Variants in NRXN3 observed in about 807,000 individuals in gnomAD.
NRXN3 encodes neurexin 3.
In NRXN3, 32 loss-of-function variants were observed where a neutral mutation model predicts 137.6. That is an observed-to-expected ratio of 0.23 (90% CI 0.18 to 0.31). The LOEUF (loss-of-function observed/expected upper bound fraction) is 0.31, where lower values mean the gene tolerates loss of function less well. Among genes scored for constraint, NRXN3 ranks in the 10% least tolerant of loss-of-function variants. NRXN3 has a pLI of 1.00. For missense variants in NRXN3, 1,574 were observed against 2,062.5 expected (o/e 0.76, Z 4.59); for synonymous variants, 798 against 784.5 (o/e 1.02, Z -0.29).
intron 15 of NRXN3, among the ~76,000 whole-genome samples, chr14:79,115,734 T>C (rs975143125): frequency 2.6e-5 from 4 of 152,200 alleles, no homozygotes; most frequent in Admixed American, 6.5e-5. Flanking sequence ...AGAAAGCATA[T>C]TGAGTATATG....
chr14:79,327,065 C>T (rs1027853647), intron 15 of NRXN3, among the ~76,000 whole-genome samples: 1 of 152,206 alleles, frequency 6.6e-6, no homozygotes, highest in South Asian at 2.1e-4. Context: ...CTTCTTCCCA[C>T]CTTCTTTCCC....
At chr14:79,720,900 T>C (rs577921898) in intron 19 of NRXN3, among the ~76,000 whole-genome samples, 5 of 152,194 alleles carry the variant, frequency 3.3e-5, no homozygotes, top group Non-Finnish European at 5.9e-5. Flanking sequence ...TTAAAATAAA[T>C]AAATGATTAA....
At chr14:79,273,231 C>T (rs1206648040) in intron 15 of NRXN3, among the ~76,000 whole-genome samples, 1 of 150,658 alleles carries the variant, frequency 6.6e-6, no homozygotes, top group African/African-American at 2.4e-5. Context: ...TACTCCCTGC[C>T]CTGGAGATTT....
chr14:78,410,683 C>A (rs1367374003), intron 4 of NRXN3, among the ~76,000 whole-genome samples: 2 of 152,132 alleles, frequency 1.3e-5, no homozygotes, highest in African/African-American at 4.8e-5. Flanking sequence ...AATCTTGAGC[C>A]TTCAATTGAT....
At chr14:78,598,802 C>T (rs1249262221) in intron 4 of NRXN3, among the ~76,000 whole-genome samples, 1 of 152,040 alleles carries the variant, frequency 6.6e-6, no homozygotes, top group Non-Finnish European at 1.5e-5. Context: ...ATCTCTGGGA[C>T]GCGGGGTCTT....
intron 19 of NRXN3, among the ~76,000 whole-genome samples, chr14:79,732,235 G>T (rs1351610366): frequency 2.0e-5 from 3 of 152,052 alleles, no homozygotes; most frequent in African/African-American, 4.8e-5. Flanking sequence ...CATGTTCTCA[G>T]GATCCCACTG....
chr14:79,614,530 C>T (rs1482245457), intron 16 of NRXN3, among the ~76,000 whole-genome samples: 1 of 152,156 alleles, frequency 6.6e-6, no homozygotes. Flanking sequence ...TATAGATCCC[C>T]TTCCTTCCCT....
intron 4 of NRXN3, among the ~76,000 whole-genome samples, chr14:78,320,637 C>T (rs547309351): frequency 1.3e-5 from 2 of 152,248 alleles, no homozygotes; most frequent in South Asian, 2.1e-4. Flanking sequence ...TGACGGGAGA[C>T]CTAGAAGCAA....
chr14:79,012,717 A>G (rs1032933573), intron 15 of NRXN3, among the ~76,000 whole-genome samples: 1 of 152,120 alleles, frequency 6.6e-6, no homozygotes, highest in South Asian at 2.1e-4. Context: ...CTGACCATCT[A>G]TCATGGTCTT....
chr14:78,630,676 C>G (rs57558999), intron 4 of NRXN3, among the ~76,000 whole-genome samples: 1,567 of 150,126 alleles, frequency 0.01, 32 homozygotes, highest in African/African-American at 0.037. Flanking sequence ...GCGATCTTGG[C>G]TCACGGCAAG....
At chr14:78,598,282 GCTGACACGTGAGCAAGGGTTCCTGGGACA>G (rs1463653868) in intron 4 of NRXN3, among the ~76,000 whole-genome samples, 24 of 152,108 alleles carry the variant, frequency 1.6e-4, no homozygotes, top group African/African-American at 5.3e-4. Context: ...TGGTGGTGCC[GCTGACACGTGAGCAAGGGTTCCTGGGACA>G]CTGACTGCCA....
At chr14:79,145,263 A>G (rs1040519808) in intron 15 of NRXN3, among the ~76,000 whole-genome samples, 2 of 152,080 alleles carry the variant, frequency 1.3e-5, no homozygotes, top group Non-Finnish European at 2.9e-5. Context: ...ACATCTTTTG[A>G]TCTCTTTGCA....
intron 1 of NRXN3, among the ~76,000 whole-genome samples, chr14:78,187,280 T>C (rs987740783): frequency 2.8e-5 from 4 of 143,978 alleles, no homozygotes; most frequent in East Asian, 2.0e-4. Flanking sequence ...TTTTTTTTTT[T>C]CCTCAAAGCT....
intron 16 of NRXN3, among the ~76,000 whole-genome samples, chr14:79,642,183 G>C (rs895712056): frequency 7.4e-6 from 1 of 135,436 alleles, no homozygotes; most frequent in African/African-American, 2.5e-5. Flanking sequence ...AGAGCACAGA[G>C]ACCATTCTTG....
chr14:78,247,831 G>A (rs995916511), intron 2 of NRXN3, among the ~76,000 whole-genome samples: 1 of 152,188 alleles, frequency 6.6e-6, no homozygotes, highest in African/African-American at 2.4e-5. Context: ...GGTTATGAAT[G>A]TGCCTATATT....
chr14:79,200,882 G>T (rs1198114408), intron 15 of NRXN3, among the ~76,000 whole-genome samples: 1 of 134,068 alleles, frequency 7.5e-6, no homozygotes, highest in Admixed American at 8.3e-5. Context: ...ATCCTCAGGG[G>T]ACAGAAAGAA....
At position 78,651,338 on chromosome 14, in the gene NRXN3, C is replaced by A. The variant is rs752979901; in HGVS notation, c.1221+12C>A. On this transcript the variant is annotated intron_variant, in intron 6 of 20. Coordinates refer to ENST00000335750, the MANE Select transcript of NRXN3 (RefSeq NM_001330195.2). The stretch of plus-strand genomic sequence containing the variant: ...GCTGCCTTAAAGAGGTAAAGTTCAC[C>A]CAATTCTATTTAATGCACCATGTGA... The A allele has an allele frequency of 2.5e-6, 4 of 1,612,966 alleles. No homozygotes were observed. The highest frequency in any genetic ancestry group is 8.5e-7 in the Non-Finnish European group (1 of 1,179,394).
chr14:79,060,588 C>T (rs2099672981), intron 15 of NRXN3, among the ~76,000 whole-genome samples: 1 of 151,802 alleles, frequency 6.6e-6, no homozygotes, highest in South Asian at 2.1e-4. Context: ...ATCAAAAGAG[C>T]CAAAGTAATA....
intron 16 of NRXN3, among the ~76,000 whole-genome samples, chr14:79,576,507 G>A (rs2097665993): frequency 6.6e-6 from 1 of 152,208 alleles, no homozygotes; most frequent in African/African-American, 2.4e-5. Context: ...CTTATTTGAA[G>A]AGTTGTATTA....
Sources: allele counts gnomAD v4.1 joint callset (sites outside exome capture counted in the v4.1 genomes callset), GRCh38; gene constraint gnomAD v4.1.1; transcripts MANE v1.5; gene names NCBI Gene and HGNC (gene_info 2026-07-23, HGNC 2026-07-21).